RANBP2: variants seen among roughly 807,000 people sequenced by gnomAD.
RANBP2 encodes the protein E3 SUMO-protein ligase RanBP2.
Under a neutral mutation model 303.6 loss-of-function variants are expected in RANBP2, and 57 were observed. The ratio of observed to expected loss-of-function variants is 0.19; its 90% confidence interval spans 0.15 to 0.23. The LOEUF is 0.23. Among genes scored for constraint, RANBP2 ranks in the 10% least tolerant of loss-of-function variants. The pLI is 1.00. For synonymous variants in RANBP2, 1,167 were observed against 1,301.5 expected, an observed-to-expected ratio of 0.90 and a Z score of 2.23; for missense variants, 3,138 against 3,780.8, an observed-to-expected ratio of 0.83 and a Z score of 4.46.
chr2:109,421,216 T>G, the RANBP2 span, among the ~76,000 whole-genome samples: 1 of 152,206 alleles, frequency 6.6e-6, no homozygotes, highest in Non-Finnish European at 1.5e-5. Flanking sequence ...TGATGGAGTT[T>G]CCCAAATGAG....
the RANBP2 span, among the ~76,000 whole-genome samples, chr2:108,924,577 G>T: frequency 3.3e-5 from 5 of 152,182 alleles, no homozygotes; most frequent in African/African-American, 4.8e-5. Flanking sequence ...CCCCATGGAG[G>T]CCCCTGCTGA....
the RANBP2 span, among the ~76,000 whole-genome samples, chr2:109,457,201 A>G: frequency 2.0e-5 from 3 of 152,236 alleles, no homozygotes; most frequent in Non-Finnish European, 4.4e-5. Flanking sequence ...GAACAAAAGT[A>G]TTAGAAATTA....
chr2:109,485,110 T>A, the RANBP2 span, among the ~76,000 whole-genome samples: 1 of 152,234 alleles, frequency 6.6e-6, no homozygotes, highest in Non-Finnish European at 1.5e-5. Flanking sequence ...CTTTGCAAAT[T>A]GAGTCCCTTT....
the RANBP2 span, among the ~76,000 whole-genome samples, chr2:109,094,266 T>G: frequency 6.6e-6 from 1 of 152,178 alleles, no homozygotes; most frequent in Non-Finnish European, 1.5e-5. Context: ...ACAAAATGCA[T>G]GATAGAAGCA....
At chr2:109,111,231 G>A in the RANBP2 span, among the ~76,000 whole-genome samples, 1 of 152,056 alleles carries the variant, frequency 6.6e-6, no homozygotes, top group Non-Finnish European at 1.5e-5. Flanking sequence ...CCTCAACTCT[G>A]CCACACACAA....
the RANBP2 span, chr2:109,347,829 C>T: frequency 6.2e-7 from 1 of 1,614,002 alleles, no homozygotes; most frequent in Non-Finnish European, 8.5e-7. Context: ...AGGGCTTCCT[C>T]CCAGCCAGCT....
the RANBP2 span, among the ~76,000 whole-genome samples, chr2:109,653,989 G>A: frequency 6.6e-6 from 1 of 152,198 alleles, no homozygotes; most frequent in Non-Finnish European, 1.5e-5. Context: ...GGGTCTGGAA[G>A]TAATAAGCAG....
the RANBP2 span, among the ~76,000 whole-genome samples, chr2:108,861,965 C>T: frequency 2.6e-5 from 4 of 151,932 alleles, no homozygotes; most frequent in African/African-American, 4.8e-5. Flanking sequence ...AAAAGTCATT[C>T]GGGAGTAAAT....
the RANBP2 span, among the ~76,000 whole-genome samples, chr2:109,204,098 A>G: frequency 6.6e-6 from 1 of 152,242 alleles, no homozygotes; most frequent in Admixed American, 6.5e-5. Context: ...TGTCATGAAC[A>G]GTCTCAGACA....
the RANBP2 span, among the ~76,000 whole-genome samples, chr2:109,404,603 G>A: frequency 1.3e-5 from 2 of 152,276 alleles, no homozygotes; most frequent in South Asian, 4.1e-4. Context: ...GCTGCCACGG[G>A]CACACAGGGC....
At chr2:108,825,324 T>C in the RANBP2 span, among the ~76,000 whole-genome samples, 1 of 152,130 alleles carries the variant, frequency 6.6e-6, no homozygotes, top group East Asian at 1.9e-4. Context: ...ATAATTCACA[T>C]ATACAAGTAG....
chr2:109,288,794 CAGG>C, the RANBP2 span, among the ~76,000 whole-genome samples: 4 of 152,206 alleles, frequency 2.6e-5, no homozygotes, highest in Non-Finnish European at 5.9e-5. Context: ...AAAGCTACTA[CAGG>C]AGGACTCAAA....
the RANBP2 span, among the ~76,000 whole-genome samples, chr2:109,142,017 T>C: frequency 6.7e-6 from 1 of 149,136 alleles, no homozygotes; most frequent in Non-Finnish European, 1.5e-5. Context: ...CCTGCCCAAG[T>C]CCTCTTCTGG....
In RANBP2 at chr2:108,764,630, A is replaced by T. The variant is rs1676981704; in HGVS notation, c.4091A>T (p.Lys1364Met). ...TGGCATTGTAACAGCTGCTCATTAA[A>T]GAATGCTTCAACTGCTAAGAAATGT... Reference protein sequence around the residue: ...SWWHCNSCSLKNASTAKKCVS... With the variant: ...SWWHCNSCSLMNASTAKKCVS... Residue 1364 changes from lysine to methionine, a missense_variant, in exon 20 of 29, where the codon AAG becomes ATG. By Grantham distance (95) the Lys-to-Met change is moderately conservative. Coordinates refer to ENST00000283195, the MANE Select transcript of RANBP2 (RefSeq NM_006267.5). 1 of 1,614,006 alleles carries T rather than the reference A, an allele frequency of 6.2e-7. No individual in the cohort carries two copies. The highest frequency in any genetic ancestry group is 1.3e-5 in the African/African-American group (1 of 74,926).
the RANBP2 span, among the ~76,000 whole-genome samples, chr2:109,577,692 C>T: frequency 4.0e-5 from 6 of 151,528 alleles, no homozygotes; most frequent in Non-Finnish European, 8.8e-5. Flanking sequence ...GTGAGAAGAT[C>T]GCTTGAGGCC....
chr2:109,559,451 G>A, the RANBP2 span, among the ~76,000 whole-genome samples: 2 of 152,256 alleles, frequency 1.3e-5, no homozygotes, highest in African/African-American at 2.4e-5. Flanking sequence ...CACCCAGTCC[G>A]TAGCCTGACC....
At chr2:108,919,062 G>A in the RANBP2 span, among the ~76,000 whole-genome samples, 19 of 152,236 alleles carry the variant, frequency 1.2e-4, no homozygotes, top group Non-Finnish European at 2.6e-4. Flanking sequence ...TTGCTCAGCG[G>A]GTCCCTGGAG....
At chr2:108,846,826 A>G in the RANBP2 span, 2 of 1,613,192 alleles carry the variant, frequency 1.2e-6, no homozygotes, top group East Asian at 2.2e-5. Context: ...AATTCTCCAC[A>G]GCATTCTGTG....
the RANBP2 span, among the ~76,000 whole-genome samples, chr2:109,059,055 G>A: frequency 6.6e-6 from 1 of 152,100 alleles, no homozygotes; most frequent in Admixed American, 6.5e-5. Flanking sequence ...GGACAGCTGG[G>A]ATAGGCTGAC....
Sources: allele counts gnomAD v4.1 joint callset (sites outside exome capture counted in the v4.1 genomes callset), GRCh38; gene constraint gnomAD v4.1.1; transcripts MANE v1.5; gene names NCBI Gene and HGNC (gene_info 2026-07-23, HGNC 2026-07-21).